Variants in ZEB1 observed in about 807,000 individuals in gnomAD.
ZEB1 encodes the protein zinc finger E-box binding homeobox 1, also known as zinc finger E-box-binding homeobox 1.
Under a neutral mutation model 84.9 loss-of-function variants are expected in ZEB1, and 21 were observed. That is an observed-to-expected ratio of 0.25 (90% confidence interval 0.18 to 0.36). The LOEUF (loss-of-function observed/expected upper bound fraction) is 0.36, where lower values mean the gene tolerates loss of function less well. ZEB1 is among the 10% of genes least tolerant of loss of function. The probability of loss-of-function intolerance (pLI) is 1.00; values close to 1 mark genes in which losing one functional copy is unlikely to be tolerated. For missense variants in ZEB1, 1,104 were observed against 1,330.2 expected, an observed-to-expected ratio of 0.83 and a Z score of 2.65; for synonymous variants, 420 against 471.1, an observed-to-expected ratio of 0.89 and a Z score of 1.41.
Position 31,335,299 on chromosome 10 carries a change from C to T in ZEB1, c.58+16007C>T, listed in dbSNP as rs1240142391. Among the ~76,000 whole-genome samples, 3 of 151,996 alleles carry T rather than the reference C, an allele frequency of 2.0e-5. 1 individual carries two copies. Among genetic ancestry groups the T allele is most frequent in the Admixed American group, 2.0e-4 (3 of 15,254 alleles). ...TACCATTGGTAGCCGTCTTGGTCATCAGATAATAAAAAAAAACATAGTATT... is the reference window on the plus strand; with the variant it reads ...TACCATTGGTAGCCGTCTTGGTCATTAGATAATAAAAAAAAACATAGTATT... On this transcript the variant is annotated intron_variant, in intron 1 of 8. Coordinates refer to ENST00000424869, the MANE Select transcript of ZEB1 (RefSeq NM_001174096.2).
chr10:31,371,959 A>G (rs2045786422), intron 1 of ZEB1, among the ~76,000 whole-genome samples: 1 of 152,156 alleles, frequency 6.6e-6, no homozygotes, highest in Admixed American at 6.5e-5. Flanking sequence ...GGTTATTGAT[A>G]GGTAAACATC....
chr10:31,405,158 A>G (rs1469194755), intron 1 of ZEB1, among the ~76,000 whole-genome samples: 1 of 152,160 alleles, frequency 6.6e-6, no homozygotes, highest in East Asian at 1.9e-4. Context: ...TATTTTTTAA[A>G]TGATGACTTA....
chr10:31,333,758 A>G (rs562151778), intron 1 of ZEB1, among the ~76,000 whole-genome samples: 2 of 152,218 alleles, frequency 1.3e-5, no homozygotes, highest in African/African-American at 4.8e-5. Context: ...TCCACTTAAC[A>G]GAAACTGGTT....
chr10:31,414,266 C>T (rs1001149381), intron 1 of ZEB1, among the ~76,000 whole-genome samples: 3 of 152,104 alleles, frequency 2.0e-5, no homozygotes, highest in African/African-American at 7.2e-5. Flanking sequence ...TTTTTTCTAT[C>T]TTCTCAACTG....
chr10:31,519,976 TA>T, intron 6 of ZEB1, 149 bp from the exon 7 acceptor site: 1 of 1,053,388 alleles, frequency 9.5e-7, no homozygotes, highest in Non-Finnish European at 1.3e-6. Flanking sequence ...GTTTTGAAGC[TA>T]AAAAGTTTAT....
chr10:31,332,657 CTG>C lies in ZEB1; in HGVS notation c.58+13367_58+13368del, dbSNP rs534509839. ...TTTTTATTTGAATAGAAACAGTTCACTGTTTTTTTGGAGGTTATGCTGTATAC... is the reference window on the plus strand; with the variant it reads ...TTTTTATTTGAATAGAAACAGTTCACTTTTTTTGGAGGTTATGCTGTATAC... On this transcript the variant is annotated intron_variant, in intron 1 of 8. Transcript: ENST00000424869. 9.1e-3 allele frequency among the ~76,000 whole-genome samples: 1,392 copies of C among 152,224 alleles called. 13 individuals carry two copies. The highest frequency in any genetic ancestry group is 0.031 in the African/African-American group (1,302 of 41,536).
At chr10:31,386,067 A>G (rs1304340162) in intron 1 of ZEB1, among the ~76,000 whole-genome samples, 2 of 152,118 alleles carry the variant, frequency 1.3e-5, no homozygotes, top group Non-Finnish European at 2.9e-5. Flanking sequence ...AATTATAGCT[A>G]TAGACAACCA....
intron 1 of ZEB1, among the ~76,000 whole-genome samples, chr10:31,393,145 T>C (rs1371034739): frequency 6.6e-6 from 1 of 152,188 alleles, no homozygotes; most frequent in African/African-American, 2.4e-5. Context: ...AGCTGTACTA[T>C]TTATATTTTT....
At chr10:31,526,015 G>A (rs1007441440) in intron 8 of ZEB1, among the ~76,000 whole-genome samples, 4 of 152,164 alleles carry the variant, frequency 2.6e-5, no homozygotes, top group Admixed American at 6.5e-5. Context: ...ACTATGATCA[G>A]TTGTTGCCAG....
intron 5 of ZEB1, among the ~76,000 whole-genome samples, chr10:31,511,150 A>G (rs2139515541): frequency 6.6e-6 from 1 of 152,328 alleles, no homozygotes; most frequent in South Asian, 2.1e-4. Flanking sequence ...TTATGCCATA[A>G]CAGTTAATTC....
At chr10:31,479,540 T>C (rs1311320093) in intron 2 of ZEB1, among the ~76,000 whole-genome samples, 1 of 151,838 alleles carries the variant, frequency 6.6e-6, no homozygotes, top group African/African-American at 2.4e-5. Flanking sequence ...ATTTAAAATA[T>C]CATACACCAT....
chr10:31,440,714 G>C (rs1228715328), intron 1 of ZEB1, among the ~76,000 whole-genome samples: 4 of 152,130 alleles, frequency 2.6e-5, no homozygotes, highest in African/African-American at 7.2e-5. Flanking sequence ...CAAAGTCTCA[G>C]GATACAAAAT....
intron 2 of ZEB1, among the ~76,000 whole-genome samples, chr10:31,473,695 A>G (rs1358988714): frequency 6.7e-6 from 1 of 149,858 alleles, no homozygotes; most frequent in Non-Finnish European, 1.5e-5. Context: ...TCTTCACAGA[A>G]TTGGAAAAAA....
intron 1 of ZEB1, among the ~76,000 whole-genome samples, chr10:31,392,352 A>G (rs2049899730): frequency 6.6e-6 from 1 of 152,192 alleles, no homozygotes; most frequent in South Asian, 2.1e-4. Context: ...CAGAATATTA[A>G]AAAAGTAGGT....
chr10:31,405,828 A>T (rs893394072), intron 1 of ZEB1, among the ~76,000 whole-genome samples: 3 of 152,018 alleles, frequency 2.0e-5, no homozygotes, highest in African/African-American at 7.3e-5. Context: ...ATTTCTCCTA[A>T]TGCTATCCCC....
At chr10:31,321,279 AT>A (rs35219515) in intron 1 of ZEB1, 1 of 1,340,482 alleles carries the variant, frequency 7.5e-7, no homozygotes, top group Non-Finnish European at 9.6e-7. Flanking sequence ...CCATAATTAT[AT>A]TTTTAATATA....
chr10:31,460,619 A>G (rs1380317087), intron 1 of ZEB1, among the ~76,000 whole-genome samples: 1 of 152,134 alleles, frequency 6.6e-6, no homozygotes, highest in Admixed American at 6.5e-5. Flanking sequence ...CAAAATATGG[A>G]ATCAGACTGT....
chr10:31,362,932 CCTT>C, intron 1 of ZEB1: 1 of 1,530,970 alleles, frequency 6.5e-7, no homozygotes, highest in South Asian at 1.2e-5. Flanking sequence ...CTGGAGGCGT[CCTT>C]CTCTTTGGGA....
intron 1 of ZEB1, among the ~76,000 whole-genome samples, chr10:31,404,705 T>C (rs1377731340): frequency 6.6e-6 from 1 of 152,182 alleles, no homozygotes; most frequent in Non-Finnish European, 1.5e-5. Flanking sequence ...GGTTGGATCT[T>C]GCCTTTTGTC....
Sources: allele counts gnomAD v4.1 joint callset (sites outside exome capture counted in the v4.1 genomes callset), GRCh38; gene constraint gnomAD v4.1.1; transcripts MANE v1.5; gene names NCBI Gene and HGNC (gene_info 2026-07-23, HGNC 2026-07-21).